Variants in PCSK6 observed in about 807,000 individuals in gnomAD.
PCSK6 encodes the protein paired basic amino acid cleaving enzyme 4.
Under a neutral mutation model 123.3 loss-of-function variants are expected in PCSK6, and 85 were observed. That is an observed-to-expected ratio of 0.69 (90% confidence interval 0.58 to 0.83). PCSK6 has a LOEUF of 0.83. PCSK6 is among the 40% of genes least tolerant of loss of function. PCSK6 has a pLI of 0.00. For synonymous variants in PCSK6, 508 were observed against 516.0 expected (o/e 0.98, Z 0.21); for missense variants, 1,191 against 1,282.3 (o/e 0.93, Z 1.09).
intron 6 of PCSK6, among the ~76,000 whole-genome samples, chr15:101,422,834 G>A (rs1374104776): frequency 6.6e-6 from 1 of 151,630 alleles, no homozygotes; most frequent in African/African-American, 2.4e-5. Context: ...TGTTAGCCAG[G>A]ATGGTCTCAA....
intron 1 of PCSK6, among the ~76,000 whole-genome samples, chr15:101,482,518 T>C (rs1039081870): frequency 6.6e-6 from 1 of 152,116 alleles, no homozygotes; most frequent in Non-Finnish European, 1.5e-5. Flanking sequence ...GATGCCACAA[T>C]CTGTGTAGAG....
chr15:101,385,586 C>G (rs8037738), intron 9 of PCSK6, among the ~76,000 whole-genome samples: 54,843 of 152,068 alleles, frequency 0.36, 10,965 homozygotes, highest in Admixed American at 0.46. Flanking sequence ...AAAGGTGCAT[C>G]TTACAACTTT....
chr15:101,395,239 G>A (rs947542090), intron 7 of PCSK6, among the ~76,000 whole-genome samples: 22 of 152,124 alleles, frequency 1.4e-4, no homozygotes, highest in African/African-American at 2.9e-4. Flanking sequence ...CAAAAACAGT[G>A]CTCCCCAAAC....
intron 13 of PCSK6, among the ~76,000 whole-genome samples, chr15:101,342,045 G>C (rs2040622426): frequency 6.9e-6 from 1 of 143,900 alleles, no homozygotes; most frequent in South Asian, 2.2e-4. Context: ...CAGGAGAATT[G>C]CTTGAACCTG....
intron 1 of PCSK6, among the ~76,000 whole-genome samples, chr15:101,479,915 G>C (rs1157105044): frequency 6.6e-6 from 1 of 152,210 alleles, no homozygotes; most frequent in African/African-American, 2.4e-5. Flanking sequence ...GTCCAGGAAG[G>C]GGGACAGGAC....
intron 1 of PCSK6, among the ~76,000 whole-genome samples, chr15:101,480,745 G>A (rs529087561): frequency 8.5e-5 from 13 of 152,326 alleles, no homozygotes; most frequent in African/African-American, 2.6e-4. Flanking sequence ...GGGACACAGG[G>A]CTCTCAGATC....
intron 2 of PCSK6, among the ~76,000 whole-genome samples, chr15:101,443,143 A>T (rs1446072989): frequency 6.6e-6 from 1 of 152,220 alleles, no homozygotes; most frequent in East Asian, 1.9e-4. Context: ...AATCCTGAAG[A>T]TCATGTGAAT....
Position 101,398,685 on chromosome 15 carries a change from C to T in PCSK6, c.824-109G>A. 4 of 1,197,202 alleles carry T rather than the reference C, an allele frequency of 3.3e-6. No individual in the cohort carries two copies. The highest frequency in any genetic ancestry group is 5.7e-4 in the Middle Eastern group (2 of 3,498). The allele number at this position is 1,197,202 out of a possible 1,614,324, so 74.2% of individuals were successfully genotyped here. The stretch of plus-strand genomic sequence containing the variant: ...AGGACACCGCATCACAGAGTCCCTC[C>T]CCAGCAGGGGCTGTTCCCAGTCATT... On this transcript the variant is annotated intron_variant, in intron 6 of 21. Coordinates refer to ENST00000611716, the MANE Select transcript of PCSK6 (RefSeq NM_002570.5). This position sits in a 1 kb window ranked among gnomAD's most constrained non-coding sequence, Gnocchi z 4.6.
At chr15:101,472,165 G>A (rs781311401) in intron 1 of PCSK6, among the ~76,000 whole-genome samples, 2 of 152,210 alleles carry the variant, frequency 1.3e-5, no homozygotes, top group African/African-American at 4.8e-5. Context: ...TCTGACTGAC[G>A]GCACTTGTTG....
At chr15:101,336,548 G>A (rs560028405) in intron 13 of PCSK6, among the ~76,000 whole-genome samples, 7 of 152,290 alleles carry the variant, frequency 4.6e-5, no homozygotes, top group East Asian at 3.9e-4. Flanking sequence ...TATGAGAAAC[G>A]GAGCATCCTT....
At chr15:101,395,244 C>A (rs1266425719) in intron 7 of PCSK6, among the ~76,000 whole-genome samples, 3 of 152,112 alleles carry the variant, frequency 2.0e-5, no homozygotes, top group Non-Finnish European at 4.4e-5. Context: ...ACAGTGCTCC[C>A]CAAACTTGAA....
chr15:101,333,353 CAT>C (rs1484075145), intron 13 of PCSK6, among the ~76,000 whole-genome samples: 1 of 152,252 alleles, frequency 6.6e-6, no homozygotes, highest in African/African-American at 2.4e-5. Flanking sequence ...CATGCACACA[CAT>C]GTTCAGCTGT....
At chr15:101,362,957 C>A (rs866817748) in intron 13 of PCSK6, among the ~76,000 whole-genome samples, 3 of 152,200 alleles carry the variant, frequency 2.0e-5, no homozygotes, top group Middle Eastern at 3.4e-3. Flanking sequence ...AATGTGGAAA[C>A]GGTGGGGGAC....
intron 1 of PCSK6, among the ~76,000 whole-genome samples, chr15:101,444,550 G>T (rs117056379): frequency 6.6e-6 from 1 of 152,208 alleles, no homozygotes; most frequent in East Asian, 1.9e-4. Context: ...TAAGACTAAT[G>T]GTCCTCTACA....
intron 1 of PCSK6, among the ~76,000 whole-genome samples, chr15:101,474,978 G>A (rs770340934): frequency 1.3e-5 from 2 of 152,066 alleles, no homozygotes; most frequent in East Asian, 1.9e-4. Context: ...AAGCACTCAC[G>A]ATCCATCTGC....
chr15:101,318,253 G>T lies in PCSK6; in HGVS notation c.2569+66C>A, dbSNP rs566084086. The T allele has an allele frequency of 1.4e-4, 170 of 1,202,454 alleles. No individual in the cohort carries two copies. The African/African-American group carries it at 2.4e-3, about 17-fold the overall frequency. 74.5% of individuals were successfully genotyped at this position (1,202,454 alleles called of 1,614,324 possible). A position where few individuals can be genotyped will look rare whatever the true frequency, so the allele number is the denominator to read the frequency against. ...CCCACGAAGTCCTAGGGCTTTCTCG[G>T]GTTCAAGGCAGCTAGCCTACGCTTG... On this transcript the variant is annotated intron_variant, in intron 19 of 21. Coordinates refer to ENST00000611716, the MANE Select transcript of PCSK6 (RefSeq NM_002570.5).
At chr15:101,372,417 ACTCTGT>A (rs2041613120) in intron 11 of PCSK6, among the ~76,000 whole-genome samples, 2 of 152,118 alleles carry the variant, frequency 1.3e-5, no homozygotes, top group Non-Finnish European at 2.9e-5. Flanking sequence ...TCCCTCGGAG[ACTCTGT>A]AAGTATTTGA....
chr15:101,332,159 G>C, intron 13 of PCSK6, 128 bp from the exon 14 acceptor site: 1 of 792,030 alleles, frequency 1.3e-6, no homozygotes, highest in South Asian at 1.9e-5. Context: ...TCACTTCCTG[G>C]TTACCTGCTG....
chr15:101,447,797 C>T (rs1404274829), intron 1 of PCSK6, among the ~76,000 whole-genome samples: 1 of 152,262 alleles, frequency 6.6e-6, no homozygotes, highest in Non-Finnish European at 1.5e-5. Flanking sequence ...GCTCTGCTCC[C>T]GTGCTCACAG....
Sources: allele counts gnomAD v4.1 joint callset (sites outside exome capture counted in the v4.1 genomes callset), GRCh38; gene constraint gnomAD v4.1.1; non-coding constraint Gnocchi (gnomAD v3.1); transcripts MANE v1.5; gene names NCBI Gene and HGNC (gene_info 2026-07-23, HGNC 2026-07-21).